The following AAMDC variants were observed in gnomAD, a reference collection of about 807,000 sequenced individuals.
AAMDC encodes the protein mth938 domain-containing protein.
AAMDC carries 16 observed loss-of-function variants against 15.5 expected under a neutral mutation model. That is an observed-to-expected ratio of 1.03 (90% CI 0.70 to 1.57). The LOEUF (loss-of-function observed/expected upper bound fraction) is 1.57. Among genes scored for constraint, AAMDC ranks in the 40% most tolerant of loss-of-function variants. The pLI is 0.00. For missense variants in AAMDC, 141 were observed against 144.9 expected (o/e 0.97, Z 0.14); for synonymous variants, 51 against 51.6 (o/e 0.99, Z 0.05).
intron 1 of AAMDC, among the ~76,000 whole-genome samples, chr11:77,826,367 A>G (rs1313866417): frequency 6.6e-6 from 1 of 152,014 alleles, no homozygotes; most frequent in Admixed American, 6.6e-5. Context: ...ATCTCAAAAA[A>G]AAAAAGATGG....
intron 1 of AAMDC, among the ~76,000 whole-genome samples, chr11:77,839,987 A>G (rs1218822572): frequency 6.6e-6 from 1 of 152,170 alleles, no homozygotes; most frequent in Non-Finnish European, 1.5e-5. Flanking sequence ...AAGATGTTAC[A>G]TGCATATAAC....
chr11:77,885,620 A>G (rs1022976070), intron 5 of AAMDC, among the ~76,000 whole-genome samples: 13 of 151,872 alleles, frequency 8.6e-5, no homozygotes, highest in Non-Finnish European at 1.8e-4. Context: ...GGAGTTCAAG[A>G]CCAGTCTGGT....
chr11:77,885,936 C>G (rs1017312229), intron 5 of AAMDC, among the ~76,000 whole-genome samples: 1 of 152,172 alleles, frequency 6.6e-6, no homozygotes, highest in African/African-American at 2.4e-5. Context: ...TGCAGTGGCT[C>G]ATGCCTATAA....
chr11:77,842,290 C>T (rs1416865057), intron 1 of AAMDC, among the ~76,000 whole-genome samples, 189 bp from the exon 2 acceptor site: 2 of 152,072 alleles, frequency 1.3e-5, no homozygotes, highest in African/African-American at 2.4e-5. Context: ...TATCTGGTTT[C>T]TATGGTTGGA....
intron 2 of AAMDC, among the ~76,000 whole-genome samples, chr11:77,858,302 C>CTTTTTTTTTTTTT (rs71473358): frequency 1.9e-4 from 13 of 69,356 alleles, no homozygotes; most frequent in African/African-American, 3.1e-4. Context: ...TTAAGCAATT[C>CTTTTTTTTTTTTT]TTTTTTTTTT....
intron 5 of AAMDC, chr11:77,891,822 CA>C (rs1952282163): frequency 6.2e-7 from 1 of 1,611,136 alleles, no homozygotes; most frequent in Non-Finnish European, 8.5e-7. Flanking sequence ...GCAAGTGGGG[CA>C]AATCAGCGAT....
At chr11:77,834,786 C>T (rs917136004) in intron 1 of AAMDC, among the ~76,000 whole-genome samples, 2 of 152,034 alleles carry the variant, frequency 1.3e-5, no homozygotes, top group African/African-American at 4.8e-5. Context: ...AAGAATGTTT[C>T]TAGTATCAAG....
At chr11:77,890,454 T>C (rs2136389127) in intron 5 of AAMDC, among the ~76,000 whole-genome samples, 1 of 152,142 alleles carries the variant, frequency 6.6e-6, no homozygotes, top group African/African-American at 2.4e-5. Context: ...CCTTGTGCCC[T>C]TCTCCTTTCC....
downstream of AAMDC, among the ~76,000 whole-genome samples, chr11:77,873,762 C>T (rs923050283): frequency 6.6e-6 from 1 of 152,214 alleles, no homozygotes; most frequent in Non-Finnish European, 1.5e-5. Context: ...AAGGAGATGA[C>T]ATTTAAGCTG....
At chr11:77,894,892 C>T (rs901115479) in intron 5 of AAMDC, among the ~76,000 whole-genome samples, 1 of 152,156 alleles carries the variant, frequency 6.6e-6, no homozygotes, top group Non-Finnish European at 1.5e-5. Context: ...ATTTATATTT[C>T]CTTCTGGTCT....
intron 2 of AAMDC, among the ~76,000 whole-genome samples, chr11:77,843,906 G>A (rs968000469): frequency 6.6e-6 from 1 of 152,108 alleles, no homozygotes. Flanking sequence ...ATGGTGGCAG[G>A]CAAAGAGAGC....
intron 2 of AAMDC, among the ~76,000 whole-genome samples, chr11:77,863,801 C>A (rs1950989469): frequency 6.6e-6 from 1 of 152,098 alleles, no homozygotes; most frequent in Non-Finnish European, 1.5e-5. Flanking sequence ...AGGTGTGAGC[C>A]TCTCTGCCTA....
chr11:77,840,266 C>T (rs1051155641), intron 1 of AAMDC, among the ~76,000 whole-genome samples: 3 of 152,162 alleles, frequency 2.0e-5, no homozygotes, highest in African/African-American at 7.2e-5. Context: ...AAGTGGCTCA[C>T]GCCTGTAATC....
At chr11:77,841,433 A>G (rs185630948) in intron 1 of AAMDC, among the ~76,000 whole-genome samples, 1 of 152,332 alleles carries the variant, frequency 6.6e-6, no homozygotes, top group Non-Finnish European at 1.5e-5. Context: ...TATATAGCTT[A>G]GTGTTCAGCC....
downstream of AAMDC, among the ~76,000 whole-genome samples, chr11:77,876,592 C>G (rs952192925): frequency 6.6e-6 from 1 of 152,168 alleles, no homozygotes; most frequent in African/African-American, 2.4e-5. Context: ...CCAAACTCAT[C>G]TAGCCTGGAG....
At chr11:77,833,278 G>A (rs1468913839) in intron 1 of AAMDC, among the ~76,000 whole-genome samples, 1 of 151,784 alleles carries the variant, frequency 6.6e-6, no homozygotes, top group African/African-American at 2.4e-5. Context: ...TTATACAACT[G>A]ACCATAATAC....
chr11:77,841,364 T>TA (rs1194947244), intron 1 of AAMDC: 1 of 587,738 alleles, frequency 1.7e-6, no homozygotes, highest in Non-Finnish European at 3.1e-6. Flanking sequence ...TCTGTTCTGT[T>TA]AGAGTTTTTT....
At chr11:77,833,353 AGACAGT>A (rs1373102981) in intron 1 of AAMDC, among the ~76,000 whole-genome samples, 2 of 152,062 alleles carry the variant, frequency 1.3e-5, no homozygotes, top group East Asian at 3.8e-4. Context: ...GAGTGATGGG[AGACAGT>A]GACAGATCAT....
chr11:77,827,912 A>G (rs1783545), intron 1 of AAMDC, among the ~76,000 whole-genome samples: 61,021 of 151,950 alleles, frequency 0.4, 12,878 homozygotes, highest in African/African-American at 0.52. Context: ...AGGCAAGCAC[A>G]TTTGCAGGAT....
Sources: allele counts gnomAD v4.1 joint callset (sites outside exome capture counted in the v4.1 genomes callset), GRCh38; gene constraint gnomAD v4.1.1; transcripts MANE v1.5; gene names NCBI Gene and HGNC (gene_info 2026-07-23, HGNC 2026-07-21).